Variants in CHSY1 observed in about 807,000 individuals in gnomAD.
The protein encoded by CHSY1 is chondroitin sulfate synthase 1.
Under a neutral mutation model 59.8 loss-of-function variants are expected in CHSY1, and 13 were observed. The observed-to-expected ratio is 0.22, with a 90% CI of 0.14 to 0.35. The LOEUF is 0.35. CHSY1 is among the 10% of genes least tolerant of loss of function. CHSY1 has a pLI of 1.00. For synonymous variants in CHSY1, 459 were observed against 401.2 expected (o/e 1.14, Z -1.72); for missense variants, 947 against 1,030.6 (o/e 0.92, Z 1.11).
chr15:101,191,570 G>A lies in CHSY1; in HGVS notation c.817-12590C>T, dbSNP rs115059585. ...ACTCCTATTGTAAACTGTGGACTTC[G>A]GGTGATAATGATATGTCACTGTAGG... is the stretch of plus-strand genomic sequence containing the variant. On this transcript the variant is annotated intron_variant, in intron 2 of 2. Coordinates refer to ENST00000254190, the MANE Select transcript of CHSY1 (RefSeq NM_014918.5). 9.0e-3 allele frequency among the ~76,000 whole-genome samples: 1,367 copies of A among 152,202 alleles called. 23 individuals are homozygous for A. The highest frequency in any genetic ancestry group is 0.031 in the African/African-American group (1,306 of 41,534).
In CHSY1 at chr15:101,178,576, G is replaced by A. The variant is rs542222806; in HGVS notation, c.1221C>T (p.Asp407=). The part of the protein sequence containing the change: ...MDSAQREALD[D]IVMQVMEMIN... ...TCATCTCCATGACCTGCATGACAATGTCGTCCAAGGCTTCCCTCTGGGCGG... is the reference window on the plus strand; with the variant it reads ...TCATCTCCATGACCTGCATGACAATATCGTCCAAGGCTTCCCTCTGGGCGG... The change falls in exon 3 of 3, where the codon GAC becomes GAT. Residue 407 remains aspartate, a synonymous_variant. Transcript: ENST00000254190. The A allele has an allele frequency of 9.9e-6, 16 of 1,614,230 alleles. No individual in the cohort carries two copies. The South Asian group carries it at 1.6e-4, about 17-fold the overall frequency.
rs1219587061 is a variant in CHSY1 at position 101,176,688 on chromosome 15, C to G, written c.*700G>C. ...GTGTGTGCCTGTAATCCCAGCTACT[C>G]GGGAGGCAAAGGCAGGGGAATTGCT... On this transcript the variant is annotated 3_prime_UTR_variant, in exon 3 of 3. Transcript: ENST00000254190. 3 of 297,864 alleles carry G rather than the reference C, an allele frequency of 1.0e-5. No individual in the cohort carries two copies. The highest frequency in any genetic ancestry group is 1.8e-5 in the Non-Finnish European group (3 of 163,634). 18.5% of individuals were successfully genotyped at this position (297,864 alleles called of 1,614,324 possible). A position where few individuals can be genotyped will look rare whatever the true frequency, so the allele number is the denominator to read the frequency against.
At chr15:101,202,629 A>G (rs1377270679) in intron 2 of CHSY1, among the ~76,000 whole-genome samples, 11 of 152,072 alleles carry the variant, frequency 7.2e-5, no homozygotes, top group Admixed American at 7.2e-4. Flanking sequence ...CAGACACAGC[A>G]GAGGCTGCAG....
rs1415595038 is a variant in CHSY1 at position 101,221,015 on chromosome 15, T to C, written c.816+14067A>G. 3.9e-5 allele frequency among the ~76,000 whole-genome samples: 6 copies of C among 152,282 alleles called. No homozygotes were observed. The South Asian group carries it at 1.2e-3, about 32-fold the overall frequency. ...CCTCCATCAGTCGGCCGCCTTATCA[T>C]GCCTGTATTGCTTCAGACTCAGTGC... On this transcript the variant is annotated intron_variant, in intron 2 of 2. Coordinates refer to ENST00000254190, the MANE Select transcript of CHSY1 (RefSeq NM_014918.5).
intron 2 of CHSY1, among the ~76,000 whole-genome samples, chr15:101,230,749 T>C (rs2038885278): frequency 6.6e-6 from 1 of 152,198 alleles, no homozygotes; most frequent in Admixed American, 6.5e-5. Flanking sequence ...CATTTCAGCC[T>C]TCCCTGTACT....
chr15:101,188,439 C>T (rs2038399592), intron 2 of CHSY1, among the ~76,000 whole-genome samples: 1 of 152,194 alleles, frequency 6.6e-6, no homozygotes, highest in South Asian at 2.1e-4. Context: ...GCGGTCCAGA[C>T]TCTCAGGACG....
chr15:101,205,456 T>C (rs2038615248), intron 2 of CHSY1, among the ~76,000 whole-genome samples: 1 of 152,198 alleles, frequency 6.6e-6, no homozygotes, highest in Non-Finnish European at 1.5e-5. Context: ...CTCCACAATG[T>C]TTCCTGATAA....
At position 101,251,160 on chromosome 15, in the gene CHSY1, C is replaced by G. The variant is rs1204676049; in HGVS notation, c.297G>C (p.Gln99His). ...ACCTGTAGGCGGCCACGGCCCGAGTCTGCAGGTATTTCTGGGCGGTCATGA... is the reference window on the plus strand; with the variant it reads ...ACCTGTAGGCGGCCACGGCCCGAGTGTGCAGGTATTTCTGGGCGGTCATGA... Reference protein sequence around the residue: ...VGVMTAQKYLQTRAVAAYRTW... With the variant: ...VGVMTAQKYLHTRAVAAYRTW... The change falls in exon 1 of 3, where the codon CAG becomes CAC. Residue 99 changes from glutamine to histidine, a missense_variant. Gln to His is a conservative substitution (Grantham distance 24). Around this residue, in one of 4 missense-constraint regions of CHSY1, gnomAD observed 232 missense variants for 188.5 expected, o/e 1.23. Coordinates refer to ENST00000254190, the MANE Select transcript of CHSY1 (RefSeq NM_014918.5). 6.3e-7 allele frequency: 1 copy of G among 1,595,250 alleles called. No individual in the cohort carries two copies. Among genetic ancestry groups the G allele is most frequent in the African/African-American group, 1.3e-5 (1 of 74,514 alleles).
chr15:101,243,473 A>C (rs1344137793), intron 1 of CHSY1, among the ~76,000 whole-genome samples: 1 of 152,196 alleles, frequency 6.6e-6, no homozygotes. Context: ...GTCTCCCTGA[A>C]CTGAGGCACC....
At chr15:101,217,041 C>T (rs1279725382) in intron 2 of CHSY1, among the ~76,000 whole-genome samples, 3 of 152,216 alleles carry the variant, frequency 2.0e-5, no homozygotes, top group African/African-American at 7.2e-5. Flanking sequence ...TGAGTGAAGA[C>T]TGTAAGACTA....
In CHSY1 at chr15:101,176,325, G is replaced by A. The variant is rs1289939117; in HGVS notation, c.*1063C>T. Reference sequence around the variant, plus strand: ...CCACATAACACAGACAGGATGAAAGGAACAAAACCAAATACATTTTTCCCC... The same window carrying A: ...CCACATAACACAGACAGGATGAAAGAAACAAAACCAAATACATTTTTCCCC... On this transcript the variant is annotated 3_prime_UTR_variant, in exon 3 of 3. Transcript: ENST00000254190. 7.5e-6 allele frequency: 3 copies of A among 398,400 alleles called. No individual in the cohort carries two copies. Among genetic ancestry groups the A allele is most frequent in the Non-Finnish European group, 8.8e-6 (2 of 226,040 alleles). 24.7% of individuals were successfully genotyped at this position (398,400 alleles called of 1,614,324 possible).
chr15:101,197,835 T>C (rs1050715688), intron 2 of CHSY1, among the ~76,000 whole-genome samples: 5 of 152,108 alleles, frequency 3.3e-5, no homozygotes, highest in South Asian at 2.1e-4. Flanking sequence ...CATTGTGCAA[T>C]AGCATTTCTT....
At chr15:101,213,311 T>C (rs201052434) in intron 2 of CHSY1, among the ~76,000 whole-genome samples, 2 of 141,966 alleles carry the variant, frequency 1.4e-5, no homozygotes, top group Non-Finnish European at 3.0e-5. Context: ...TTCTGGGAAG[T>C]GATACTAGTT....
In CHSY1 at chr15:101,235,409, C is replaced by T. The variant is rs146047900; in HGVS notation, c.489G>A (p.Lys163=). ...CATCTGCTCTCATAAACCATTCATA[C>T]TTGTCCAAGTAGTGGTCGTGCATGT... ...LKYMHDHYLD[K]YEWFMRADDD... The change falls in exon 2 of 3, where the codon AAG becomes AAA. Residue 163 remains lysine (K), a synonymous_variant. Coordinates refer to ENST00000254190, the MANE Select transcript of CHSY1 (RefSeq NM_014918.5). 206 of 1,614,160 alleles carry T rather than the reference C, an allele frequency of 1.3e-4. 1 individual carries two copies. The Middle Eastern group carries it at 4.3e-3, about 34-fold the overall frequency.
At chr15:101,237,496 AGAT>A (rs2038957970) in intron 1 of CHSY1, among the ~76,000 whole-genome samples, 1 of 152,216 alleles carries the variant, frequency 6.6e-6, no homozygotes, top group African/African-American at 2.4e-5. Flanking sequence ...AACAGAGGGA[AGAT>A]GAGTGGTCAA....
rs574647716 is a variant in CHSY1, at chr15:101,177,334, T to C, written c.*54A>G. Reference sequence around the variant, plus strand: ...CTTCAAAAACTGATCATACAAAAAATTTTTGAAAAATAAATTAGATAATTA... The same window carrying C: ...CTTCAAAAACTGATCATACAAAAAACTTTTGAAAAATAAATTAGATAATTA... On this transcript the variant is annotated 3_prime_UTR_variant, in exon 3 of 3. Transcript: ENST00000254190. 2.6e-6 allele frequency: 4 copies of C among 1,564,780 alleles called. No homozygotes were observed. In the Admixed American group the frequency reaches 7.9e-5, roughly 31 times the overall value.
At chr15:101,206,177 T>C (rs117608002) in intron 2 of CHSY1, among the ~76,000 whole-genome samples, 7,181 of 152,140 alleles carry the variant, frequency 0.047, 241 homozygotes, top group Middle Eastern at 0.099. Context: ...TCTCCCCGGG[T>C]GAGCCTCTGA....
chr15:101,206,994 G>A (rs534047494), intron 2 of CHSY1, among the ~76,000 whole-genome samples: 2 of 152,098 alleles, frequency 1.3e-5, no homozygotes, highest in Non-Finnish European at 2.9e-5. Context: ...TACCACTCTC[G>A]CGTGTCAGCA....
At chr15:101,208,198 T>C (rs2038647000) in intron 2 of CHSY1, among the ~76,000 whole-genome samples, 1 of 152,046 alleles carries the variant, frequency 6.6e-6, no homozygotes, top group African/African-American at 2.4e-5. Flanking sequence ...ATGCACATTT[T>C]CCCCTGGTCA....
Sources: gnomAD v4.1 joint callset for allele counts (sites outside exome capture counted in the v4.1 genomes callset) on GRCh38, gnomAD v4.1.1 for gene constraint, gnomAD v4.1.1 regional missense constraint, MANE v1.5 for transcripts, NCBI Gene and HGNC (gene_info 2026-07-23, HGNC 2026-07-21) for gene names.